KIF26B: variants seen among roughly 807,000 people sequenced by gnomAD.
KIF26B encodes the protein kinesin-like protein KIF26B.
Under a neutral mutation model 151.2 loss-of-function variants are expected in KIF26B, and 63 were observed. The ratio of observed to expected loss-of-function variants is 0.42; its 90% CI spans 0.34 to 0.51. KIF26B has a LOEUF of 0.51. Among genes scored for constraint, KIF26B ranks in the 20% least tolerant of loss-of-function variants. The pLI is 0.07. For synonymous variants in KIF26B, 1,357 were observed against 1,262.1 expected (o/e 1.08, Z -1.59); for missense variants, 2,813 against 2,913.6 (o/e 0.97, Z 0.79).
At chr1:245,636,421 G>T (rs2043834875) in intron 9 of KIF26B, among the ~76,000 whole-genome samples, 1 of 151,444 alleles carries the variant, frequency 6.6e-6, no homozygotes, top group South Asian at 2.1e-4. Context: ...GTGTGTCATA[G>T]TTGTACATAT....
chr1:245,415,023 C>T (rs1194136833), intron 3 of KIF26B, among the ~76,000 whole-genome samples: 1 of 152,208 alleles, frequency 6.6e-6, no homozygotes, highest in Non-Finnish European at 1.5e-5. Flanking sequence ...GGACTCCTCT[C>T]CTCGCCTCTG....
In KIF26B at chr1:245,227,819, G is replaced by A. The variant is rs1669905590; in HGVS notation, c.465+71136G>A. Among the ~76,000 whole-genome samples, 1 of 152,018 alleles carries A rather than the reference G, an allele frequency of 6.6e-6. No individual in the cohort carries two copies. On this transcript the variant is annotated intron_variant, in intron 2 of 14. Transcript: ENST00000407071. The surrounding 1 kb of genome is among the most constrained non-coding windows in gnomAD (Gnocchi z 4.1). ...AGTTTGAGACCAGCCTGGCCAACAT[G>A]GTGGAACCCCATCTCTACTAAAAAT...
Position 245,246,882 on chromosome 1 carries a change from CACACACACACAG to C in KIF26B, c.465+90211_465+90222del, listed in dbSNP as rs745633630. Among the ~76,000 whole-genome samples, 182 of 150,824 alleles carry C rather than the reference CACACACACACAG, an allele frequency of 1.2e-3. 2 individuals are homozygous for C. The East Asian group carries it at 0.02, about 16-fold the overall frequency. ...TAAGGGCAGAACACACACACACACA[CACACACACACAG>C]ACACACACACACAGACACAGACACA... On this transcript the variant is annotated intron_variant, in intron 2 of 14. Transcript: ENST00000407071.
intron 4 of KIF26B, among the ~76,000 whole-genome samples, chr1:245,494,516 G>A (rs143863973): frequency 7.9e-5 from 12 of 152,206 alleles, no homozygotes; most frequent in Admixed American, 2.6e-4. Context: ...AGGACTGGGC[G>A]AACGATCACT....
intron 2 of KIF26B, among the ~76,000 whole-genome samples, chr1:245,362,716 C>T (rs971967184): frequency 2.0e-5 from 3 of 152,068 alleles, no homozygotes; most frequent in South Asian, 2.1e-4. Context: ...TTGGGTGATC[C>T]GCCCACCTCA....
chr1:245,646,780 T>C (rs2043952768), intron 10 of KIF26B, among the ~76,000 whole-genome samples: 1 of 152,234 alleles, frequency 6.6e-6, no homozygotes, highest in African/African-American at 2.4e-5. Flanking sequence ...ATGTATTTTA[T>C]CTGGCAACCC....
chr1:245,280,365 C>CA (rs1191254237), intron 2 of KIF26B, among the ~76,000 whole-genome samples: 49,576 of 129,350 alleles, frequency 0.38, 9,358 homozygotes, highest in East Asian at 0.57. Flanking sequence ...ACAAAAAATA[C>CA]AAAAAAAAAA....
At position 245,640,159 on chromosome 1, in the gene KIF26B, A is replaced by C. The variant is rs182126326; in HGVS notation, c.2099-5962A>C. Among the ~76,000 whole-genome samples, 33 of 34,372 alleles carry C rather than the reference A, an allele frequency of 9.6e-4. 3 individuals are homozygous for C. The highest frequency in any genetic ancestry group is 2.5e-3 in the East Asian group (1 of 394). 22.5% of individuals were successfully genotyped at this position (34,372 alleles called of 152,430 possible). ...TCTCTCTCTCTATATATATATATAT[A>C]TACCCTGCTATTTGGTTATATATAT... On this transcript the variant is annotated intron_variant, in intron 9 of 14. Transcript: ENST00000407071.
At chr1:245,195,462 C>A (rs1393027357) in intron 2 of KIF26B, among the ~76,000 whole-genome samples, 1 of 152,196 alleles carries the variant, frequency 6.6e-6, no homozygotes, top group Non-Finnish European at 1.5e-5. Context: ...GGTCTTTGAA[C>A]TACACATTGC....
At chr1:245,593,764 T>C (rs1186543848) in intron 5 of KIF26B, among the ~76,000 whole-genome samples, 1 of 152,186 alleles carries the variant, frequency 6.6e-6, no homozygotes, top group African/African-American at 2.4e-5. Flanking sequence ...TCCACAATGG[T>C]TGAACTAATT....
intron 3 of KIF26B, among the ~76,000 whole-genome samples, chr1:245,373,019 T>C (rs1373739798): frequency 6.6e-6 from 1 of 152,222 alleles, no homozygotes; most frequent in Non-Finnish European, 1.5e-5. Flanking sequence ...GTATAAATTA[T>C]CTATTTCAAC....
intron 3 of KIF26B, among the ~76,000 whole-genome samples, chr1:245,374,113 A>G (rs1421531366): frequency 6.0e-5 from 4 of 67,184 alleles, no homozygotes; most frequent in Non-Finnish European, 8.1e-5. Flanking sequence ...ATATATATAT[A>G]TATATATATA....
chr1:245,637,823 T>G (rs903006978), intron 9 of KIF26B, among the ~76,000 whole-genome samples: 8 of 152,054 alleles, frequency 5.3e-5, no homozygotes, highest in Admixed American at 3.3e-4. Flanking sequence ...GTGCATAGAT[T>G]TATTTCTGGG....
At chr1:245,397,412 C>A (rs1673875222) in intron 3 of KIF26B, among the ~76,000 whole-genome samples, 1 of 152,040 alleles carries the variant, frequency 6.6e-6, no homozygotes. Context: ...AATGGTGTTT[C>A]ACCATGTTGG....
chr1:245,537,394 G>C (rs1034966832), intron 4 of KIF26B, among the ~76,000 whole-genome samples: 2 of 152,184 alleles, frequency 1.3e-5, no homozygotes, highest in African/African-American at 2.4e-5. Flanking sequence ...AAGTACTTTG[G>C]CTTTTACTCT....
intron 2 of KIF26B, among the ~76,000 whole-genome samples, chr1:245,234,099 G>C (rs1369907858): frequency 6.6e-6 from 1 of 151,914 alleles, no homozygotes; most frequent in Admixed American, 6.6e-5. Context: ...CAGGAGAATT[G>C]CTTGAACCTA....
At chr1:245,439,703 A>G (rs1216179960) in intron 4 of KIF26B, among the ~76,000 whole-genome samples, 2 of 152,250 alleles carry the variant, frequency 1.3e-5, no homozygotes, top group Non-Finnish European at 2.9e-5. Flanking sequence ...TTTGGGTAAA[A>G]TAATTCAAAT....
At chr1:245,370,582 G>A (rs759296619) in intron 3 of KIF26B, 12 of 456,532 alleles carry the variant, frequency 2.6e-5, no homozygotes, top group Non-Finnish European at 4.4e-5. Flanking sequence ...CCAGGACTCC[G>A]AAGCTCTTGT....
At chr1:245,172,502 C>T (rs1331528795) in intron 2 of KIF26B, among the ~76,000 whole-genome samples, 1 of 152,134 alleles carries the variant, frequency 6.6e-6, no homozygotes, top group Non-Finnish European at 1.5e-5. Flanking sequence ...CATTGACAGA[C>T]AGGAGGTGTC....
Sources: allele counts gnomAD v4.1 joint callset (sites outside exome capture counted in the v4.1 genomes callset), GRCh38; gene constraint gnomAD v4.1.1; non-coding constraint Gnocchi (gnomAD v3.1); transcripts MANE v1.5; gene names NCBI Gene and HGNC (gene_info 2026-07-23, HGNC 2026-07-21).